Variants in KCNH7 observed in about 807,000 individuals in gnomAD.
KCNH7 encodes the protein voltage-gated inwardly rectifying potassium channel KCNH7.
KCNH7 carries 49 observed loss-of-function variants against 120.8 expected under a neutral mutation model. The ratio of observed to expected loss-of-function variants is 0.41; its 90% CI spans 0.32 to 0.51. The LOEUF is 0.51. Ranked by LOEUF, KCNH7 falls within the 20% of genes least tolerant of loss-of-function variation. The probability of loss-of-function intolerance (pLI) is 0.38; values close to 1 mark genes in which losing one functional copy is unlikely to be tolerated. For missense variants in KCNH7, 1,097 were observed against 1,446.6 expected (o/e 0.76, Z 3.92); for synonymous variants, 547 against 516.1 (o/e 1.06, Z -0.81).
intron 2 of KCNH7, among the ~76,000 whole-genome samples, chr2:162,549,286 C>T (rs907813045): frequency 6.6e-6 from 1 of 152,210 alleles, no homozygotes; most frequent in Non-Finnish European, 1.5e-5. Context: ...GCTCCTCTGG[C>T]TTTACCCATA....
intron 2 of KCNH7, among the ~76,000 whole-genome samples, chr2:162,785,835 G>A (rs150471426): frequency 2.0e-3 from 310 of 152,228 alleles, no homozygotes; most frequent in Non-Finnish European, 3.6e-3. Context: ...GTGCTACTTA[G>A]CATCTCCTGA....
At chr2:162,415,602 G>A (rs1483152995) in intron 9 of KCNH7, among the ~76,000 whole-genome samples, 3 of 152,078 alleles carry the variant, frequency 2.0e-5, no homozygotes, top group Non-Finnish European at 2.9e-5. Context: ...CTTTGCTTCA[G>A]TGATTGGTTA....
chr2:162,781,732 T>G (rs1302976099), intron 2 of KCNH7, among the ~76,000 whole-genome samples: 1 of 152,156 alleles, frequency 6.6e-6, no homozygotes, highest in Non-Finnish European at 1.5e-5. Context: ...TTTTAAACTG[T>G]CTTTCCCTCA....
intron 2 of KCNH7, among the ~76,000 whole-genome samples, chr2:162,615,491 G>A (rs1683112980): frequency 6.6e-6 from 1 of 152,124 alleles, no homozygotes; most frequent in African/African-American, 2.4e-5. Flanking sequence ...AGGGTGGCTT[G>A]TGCATTCTTT....
chr2:162,661,896 T>C (rs1433358384), intron 2 of KCNH7, among the ~76,000 whole-genome samples: 1 of 152,216 alleles, frequency 6.6e-6, no homozygotes, highest in African/African-American at 2.4e-5. Context: ...AATTATTTTT[T>C]ATTTTTTGTT....
chr2:162,600,047 T>A (rs1476280912), intron 2 of KCNH7, among the ~76,000 whole-genome samples: 1 of 152,098 alleles, frequency 6.6e-6, no homozygotes, highest in Non-Finnish European at 1.5e-5. Context: ...TTAATTCTAG[T>A]CCTGTCTTTC....
At chr2:162,807,438 A>T (rs1256512682) in intron 2 of KCNH7, among the ~76,000 whole-genome samples, 1 of 151,954 alleles carries the variant, frequency 6.6e-6, no homozygotes, top group African/African-American at 2.4e-5. Flanking sequence ...CTCTGTCTCA[A>T]AAAACAAGAA....
At chr2:162,700,096 C>T (rs1357576485) in intron 2 of KCNH7, among the ~76,000 whole-genome samples, 1 of 152,084 alleles carries the variant, frequency 6.6e-6, no homozygotes, top group African/African-American at 2.4e-5. Flanking sequence ...GACAAATCTT[C>T]GTGTATTTCC....
intron 2 of KCNH7, among the ~76,000 whole-genome samples, chr2:162,646,490 ATTGTG>A (rs1684363155): frequency 6.6e-6 from 1 of 152,188 alleles, no homozygotes; most frequent in South Asian, 2.1e-4. Flanking sequence ...CACTCTTGTG[ATTGTG>A]TTATGTTGCA....
Position 162,558,502 on chromosome 2 carries a change from G to GC in KCNH7, c.308-21423dup, listed in dbSNP as rs1296033445. Reference sequence around the variant, plus strand: ...CTCTTTCTTTTGCATTTTCTCAATGGCTTTTTTTTTTTTTTTTTTTTTTGC... The same window carrying GC: ...CTCTTTCTTTTGCATTTTCTCAATGGCCTTTTTTTTTTTTTTTTTTTTTTGC... On this transcript the variant is annotated intron_variant, in intron 2 of 15. Coordinates refer to ENST00000332142, the MANE Select transcript of KCNH7 (RefSeq NM_033272.4). 3.8e-4 allele frequency among the ~76,000 whole-genome samples: 42 copies of GC among 111,732 alleles called. 1 individual carries two copies. Among genetic ancestry groups the GC allele is most frequent in the South Asian group, 7.5e-4 (3 of 4,002 alleles). 73.3% of individuals were successfully genotyped at this position (111,732 alleles called of 152,430 possible). A position where few individuals can be genotyped will look rare whatever the true frequency, so the allele number is the denominator to read the frequency against.
At chr2:162,577,492 T>C (rs1693727973) in intron 2 of KCNH7, among the ~76,000 whole-genome samples, 1 of 151,906 alleles carries the variant, frequency 6.6e-6, no homozygotes, top group Non-Finnish European at 1.5e-5. Flanking sequence ...TTACAGAAAC[T>C]GGCCTTTAAT....
intron 2 of KCNH7, among the ~76,000 whole-genome samples, chr2:162,806,902 G>A (rs1035052572): frequency 1.3e-5 from 2 of 151,462 alleles, no homozygotes; most frequent in African/African-American, 4.9e-5. Flanking sequence ...GAAACTAGCT[G>A]GTTTGACCAT....
At chr2:162,723,468 C>T (rs35953596) in intron 2 of KCNH7, among the ~76,000 whole-genome samples, 3,427 of 152,312 alleles carry the variant, frequency 0.022, 72 homozygotes, top group East Asian at 0.11. Flanking sequence ...ATCCCTGCCA[C>T]ACATGACAAC....
chr2:162,426,634 A>C (rs908768930), intron 8 of KCNH7, among the ~76,000 whole-genome samples: 4 of 152,178 alleles, frequency 2.6e-5, no homozygotes, highest in African/African-American at 9.6e-5. Context: ...GTTGGTCAGA[A>C]GATATTAGCT....
At chr2:162,732,083 G>C in intron 2 of KCNH7, among the ~76,000 whole-genome samples, 1 of 152,126 alleles carries the variant, frequency 6.6e-6, no homozygotes, top group South Asian at 2.1e-4. Context: ...GCTCTCCTCT[G>C]TGGCCATAGG....
At chr2:162,558,502 G>GTTTTT (rs1692940397) in intron 2 of KCNH7, among the ~76,000 whole-genome samples, 1 of 111,760 alleles carries the variant, frequency 8.9e-6, no homozygotes, top group African/African-American at 4.7e-5. Context: ...TTTCTCAATG[G>GTTTTT]CTTTTTTTTT....
chr2:162,372,177 C>T (rs1685974805), intron 15 of KCNH7, 82 bp from the exon 16 acceptor site: 2 of 1,127,678 alleles, frequency 1.8e-6, no homozygotes, highest in East Asian at 4.9e-5. Flanking sequence ...AAAACTTAAG[C>T]ATTTTCTTTC....
At chr2:162,396,345 A>C (rs1211340201) in intron 11 of KCNH7, among the ~76,000 whole-genome samples, 2 of 151,812 alleles carry the variant, frequency 1.3e-5, no homozygotes, top group African/African-American at 4.8e-5. Flanking sequence ...ACTGATAACC[A>C]ATGTACAGTG....
chr2:162,649,362 A>G (rs988770362), intron 2 of KCNH7, among the ~76,000 whole-genome samples: 9 of 152,226 alleles, frequency 5.9e-5, no homozygotes, highest in African/African-American at 1.7e-4. Flanking sequence ...TTAGAGAATA[A>G]AAGTATGCCA....
Sources: allele counts gnomAD v4.1 joint callset (sites outside exome capture counted in the v4.1 genomes callset), GRCh38; gene constraint gnomAD v4.1.1; transcripts MANE v1.5; gene names NCBI Gene and HGNC (gene_info 2026-07-23, HGNC 2026-07-21).